Variants in ALCAM observed in about 807,000 individuals in gnomAD.
The protein encoded by ALCAM is CD166 antigen.
A neutral mutation model predicts 70.9 loss-of-function variants in ALCAM; 30 were observed. That is an observed-to-expected ratio of 0.42 (90% CI 0.32 to 0.57). The LOEUF is 0.57. ALCAM is among the 20% of genes least tolerant of loss of function. The pLI, the probability that ALCAM is intolerant of heterozygous loss-of-function variation, is 0.11. For synonymous variants in ALCAM, 249 were observed against 242.5 expected, an observed-to-expected ratio of 1.03 and a Z score of -0.25; for missense variants, 591 against 695.1, an observed-to-expected ratio of 0.85 and a Z score of 1.68.
chr3:105,576,044 A>C lies in ALCAM; in HGVS notation c.*1593A>C, dbSNP rs1940956166. 6.6e-6 allele frequency: 1 copy of C among 152,308 alleles called. No homozygotes were observed. The highest frequency in any genetic ancestry group is 2.4e-5 in the African/African-American group (1 of 41,480). 9.4% of individuals were successfully genotyped at this position (152,308 alleles called of 1,614,324 possible). A position where few individuals can be genotyped will look rare whatever the true frequency, so the allele number is the denominator to read the frequency against. ...GTCTGGGCAATAGTGACTCCGTTTA[A>C]TAAAAGCTTCCGTAGTGCATTGGTA... On this transcript the variant is annotated 3_prime_UTR_variant, in exon 16 of 16. Coordinates refer to ENST00000306107, the MANE Select transcript of ALCAM (RefSeq NM_001627.4).
chr3:105,541,738 A>C lies in ALCAM; in HGVS notation c.964A>C (p.Ile322Leu). Residue 322 changes from isoleucine to leucine, a missense_variant, in exon 8 of 16, where the codon ATT (isoleucine) becomes CTT (leucine). Ile to Leu is a conservative substitution (Grantham distance 5). Transcript: ENST00000306107. ...TTCCCTGATAGACAAAAAAAGCATG[A>C]TTGCTTCAACAGCTATCACAGTTCA... is the stretch of plus-strand genomic sequence containing the variant. ...KCSLIDKKSMIASTAITVHYL... is the reference protein window; with the variant it reads ...KCSLIDKKSMLASTAITVHYL... 1.9e-6 allele frequency: 3 copies of C among 1,612,292 alleles called. No individual in the cohort carries two copies. Among genetic ancestry groups the C allele is most frequent in the Non-Finnish European group, 2.5e-6 (3 of 1,178,798 alleles).
chr3:105,521,352 G>A (rs1374805087), intron 2 of ALCAM, among the ~76,000 whole-genome samples: 6 of 149,510 alleles, frequency 4.0e-5, no homozygotes, highest in Admixed American at 6.6e-5. Flanking sequence ...ATCACTTCTC[G>A]GAGTCTTTCA....
At chr3:105,408,527 C>T (rs1220692203) in intron 1 of ALCAM, among the ~76,000 whole-genome samples, 3 of 152,114 alleles carry the variant, frequency 2.0e-5, no homozygotes, top group Non-Finnish European at 4.4e-5. Context: ...GGATTCTCCT[C>T]TTACCTTATA....
intron 8 of ALCAM, among the ~76,000 whole-genome samples, chr3:105,542,779 G>C (rs966420369): frequency 6.6e-6 from 1 of 151,732 alleles, no homozygotes; most frequent in Non-Finnish European, 1.5e-5. Context: ...CAACCAGATG[G>C]TTGCTTCTGA....
chr3:105,542,269 G>A (rs773520300), intron 8 of ALCAM, among the ~76,000 whole-genome samples: 9 of 151,798 alleles, frequency 5.9e-5, no homozygotes, highest in Non-Finnish European at 1.2e-4. Context: ...TAGAGGGGTA[G>A]GAAATTTCTG....
At chr3:105,423,555 G>A (rs139270700) in intron 1 of ALCAM, among the ~76,000 whole-genome samples, 222 of 148,556 alleles carry the variant, frequency 1.5e-3, no homozygotes, top group African/African-American at 4.6e-3. Context: ...TCTGTTCAAT[G>A]TGTTTCTGCC....
chr3:105,495,960 C>T (rs1053752813), intron 1 of ALCAM, among the ~76,000 whole-genome samples: 1 of 152,198 alleles, frequency 6.6e-6, no homozygotes, highest in African/African-American at 2.4e-5. Context: ...GTTCCATTCA[C>T]TATAAGTTTC....
intron 1 of ALCAM, among the ~76,000 whole-genome samples, chr3:105,403,464 C>T (rs1936143155): frequency 1.3e-5 from 2 of 152,096 alleles, no homozygotes; most frequent in African/African-American, 2.4e-5. Flanking sequence ...CACTGGGTTG[C>T]CAGACCTAGA....
At chr3:105,412,946 T>C (rs1379444080) in intron 1 of ALCAM, among the ~76,000 whole-genome samples, 5 of 152,134 alleles carry the variant, frequency 3.3e-5, no homozygotes, top group African/African-American at 1.2e-4. Flanking sequence ...TCACTCATCA[T>C]ATAATAAACA....
At chr3:105,375,550 T>A (rs1490159786) in intron 1 of ALCAM, among the ~76,000 whole-genome samples, 2 of 152,126 alleles carry the variant, frequency 1.3e-5, no homozygotes, top group African/African-American at 4.8e-5. Context: ...ACATTGAGGA[T>A]CCTATGGTTT....
At chr3:105,416,754 G>A (rs895497351) in intron 1 of ALCAM, among the ~76,000 whole-genome samples, 1 of 151,870 alleles carries the variant, frequency 6.6e-6, no homozygotes, top group African/African-American at 2.4e-5. Context: ...TTGAATTACT[G>A]ATAACTTCTT....
intron 1 of ALCAM, among the ~76,000 whole-genome samples, chr3:105,509,365 T>C (rs1116976): frequency 0.96 from 146,174 of 152,120 alleles, 70,481 homozygotes; most frequent in East Asian, 1. Context: ...TACATCCTCA[T>C]CAATACTTGG....
At chr3:105,512,962 T>C (rs948980920) in intron 1 of ALCAM, among the ~76,000 whole-genome samples, 2 of 151,798 alleles carry the variant, frequency 1.3e-5, no homozygotes, top group African/African-American at 2.4e-5. Flanking sequence ...TACTTAAACA[T>C]TTCTCCTGTT....
intron 1 of ALCAM, among the ~76,000 whole-genome samples, chr3:105,436,412 G>C (rs1937050393): frequency 6.6e-6 from 1 of 152,000 alleles, no homozygotes; most frequent in African/African-American, 2.4e-5. Context: ...GTGCGATCTT[G>C]GCTCACCACA....
At chr3:105,568,655 C>T (rs1259263991) in intron 14 of ALCAM, among the ~76,000 whole-genome samples, 2 of 152,182 alleles carry the variant, frequency 1.3e-5, no homozygotes, top group African/African-American at 4.8e-5. Context: ...CACCCTGTGG[C>T]TGTCTCCTTT....
intron 10 of ALCAM, 38 bp downstream of exon 10, chr3:105,547,322 T>A: frequency 6.3e-7 from 1 of 1,576,810 alleles, no homozygotes; most frequent in South Asian, 1.2e-5. Context: ...AATTGTTCTT[T>A]GAGAATTTTT....
chr3:105,523,723 G>A (rs959416989), intron 2 of ALCAM, among the ~76,000 whole-genome samples: 1 of 152,182 alleles, frequency 6.6e-6, no homozygotes, highest in Non-Finnish European at 1.5e-5. Context: ...TAGTTAATCT[G>A]ACTCATTCCT....
intron 14 of ALCAM, among the ~76,000 whole-genome samples, chr3:105,564,986 C>T (rs1036222534): frequency 1.3e-5 from 2 of 152,080 alleles, no homozygotes; most frequent in African/African-American, 4.8e-5. Context: ...GCCAAGATTA[C>T]ACCACTGCAC....
intron 1 of ALCAM, among the ~76,000 whole-genome samples, chr3:105,514,059 CAAG>C (rs1293616094): frequency 6.6e-6 from 1 of 151,882 alleles, no homozygotes; most frequent in Non-Finnish European, 1.5e-5. Context: ...AAATTTCCTC[CAAG>C]AAGCTTTTAC....
Sources: gnomAD v4.1 joint callset for allele counts (sites outside exome capture counted in the v4.1 genomes callset) on GRCh38, gnomAD v4.1.1 for gene constraint, MANE v1.5 for transcripts, NCBI Gene and HGNC (gene_info 2026-07-23, HGNC 2026-07-21) for gene names.